The following CNTN4 variants were observed in gnomAD, a reference collection of about 807,000 sequenced individuals.
The protein encoded by CNTN4 is contactin-4.
Under a neutral mutation model 122.5 loss-of-function variants are expected in CNTN4, and 77 were observed. The observed-to-expected ratio is 0.63, with a 90% CI of 0.52 to 0.76. The LOEUF is 0.76. CNTN4 is among the 30% of genes least tolerant of loss of function. CNTN4 has a pLI of 0.00. For synonymous variants in CNTN4, 512 were observed against 447.0 expected (o/e 1.15, Z -1.83); for missense variants, 1,256 against 1,259.1 (o/e 1.00, Z 0.04).
intron 6 of CNTN4, among the ~76,000 whole-genome samples, chr3:2,768,595 A>G (rs1414606104): frequency 1.3e-5 from 2 of 152,106 alleles, no homozygotes; most frequent in Non-Finnish European, 2.9e-5. Context: ...TCCCCTATCT[A>G]CTTTATAATG....
chr3:2,920,053 G>A (rs755097228), intron 12 of CNTN4, among the ~76,000 whole-genome samples: 8 of 151,890 alleles, frequency 5.3e-5, no homozygotes, highest in Non-Finnish European at 8.8e-5. Context: ...AATGGCTCCC[G>A]TGCTCAAAGT....
chr3:2,663,471 G>A (rs891336756), intron 4 of CNTN4, among the ~76,000 whole-genome samples: 2 of 151,060 alleles, frequency 1.3e-5, no homozygotes, highest in African/African-American at 4.9e-5. Context: ...AGAGACATTG[G>A]GAAAGGAATT....
At chr3:2,663,136 C>T (rs1559360451) in intron 4 of CNTN4, among the ~76,000 whole-genome samples, 1 of 151,936 alleles carries the variant, frequency 6.6e-6, no homozygotes, top group Non-Finnish European at 1.5e-5. Flanking sequence ...AATAAAGACA[C>T]AAGATCATGT....
At chr3:2,844,550 C>T (rs1192366788) in intron 7 of CNTN4, among the ~76,000 whole-genome samples, 1 of 152,022 alleles carries the variant, frequency 6.6e-6, no homozygotes, top group Non-Finnish European at 1.5e-5. Flanking sequence ...GGGCAATTAC[C>T]CATATTATGT....
intron 14 of CNTN4, among the ~76,000 whole-genome samples, chr3:3,004,143 A>G (rs967550269): frequency 6.8e-6 from 1 of 146,924 alleles, no homozygotes; most frequent in African/African-American, 2.6e-5. Flanking sequence ...GTAATGATCT[A>G]TTTTGCACAC....
In CNTN4 at chr3:3,039,018, GA is replaced by G; in HGVS notation, c.2163+17del. On this transcript the variant is annotated intron_variant, in intron 19 of 24. Transcript: ENST00000418658. ...TAACCTGGGAGGTAAATGAATCACA[GA>G]ATAAAAGGAACGTACACGCATCGAA... 1.2e-6 allele frequency: 2 copies of G among 1,602,476 alleles called. No individual in the cohort carries two copies. The highest frequency in any genetic ancestry group is 2.2e-5 in the South Asian group (2 of 90,820).
intron 3 of CNTN4, among the ~76,000 whole-genome samples, chr3:2,441,209 G>A (rs1448117236): frequency 6.6e-6 from 1 of 152,086 alleles, no homozygotes; most frequent in African/African-American, 2.4e-5. Flanking sequence ...CAAAATAAAA[G>A]AAGTGAAAAC....
intron 13 of CNTN4, among the ~76,000 whole-genome samples, chr3:2,964,995 C>T (rs1692156646): frequency 6.6e-6 from 1 of 152,126 alleles, no homozygotes; most frequent in Non-Finnish European, 1.5e-5. Context: ...AAGATCTTAC[C>T]AGGTTTTCTG....
Position 2,432,814 on chromosome 3 carries a change from C to CTTTTT in CNTN4, c.-89+93591_-89+93595dup, listed in dbSNP as rs5846183. Among the ~76,000 whole-genome samples, 76 of 141,632 alleles carry CTTTTT rather than the reference C, an allele frequency of 5.4e-4. 2 individuals are homozygous for CTTTTT. In the East Asian group the frequency reaches 0.015, roughly 28 times the overall value. 92.9% of individuals were successfully genotyped at this position (141,632 alleles called of 152,430 possible). On this transcript the variant is annotated intron_variant, in intron 3 of 24. Coordinates refer to ENST00000418658, the MANE Select transcript of CNTN4 (RefSeq NM_175607.3). ...GCAGATATGTCTGGCACACTAACTG[C>CTTTTT]TTTTTTTTTTTTTTGATACGGTCTC...
intron 6 of CNTN4, among the ~76,000 whole-genome samples, chr3:2,781,014 A>C (rs546108167): frequency 1.3e-5 from 2 of 152,304 alleles, no homozygotes; most frequent in African/African-American, 4.8e-5. Flanking sequence ...AGGCAAATCA[A>C]CTATGGTCCT....
intron 13 of CNTN4, among the ~76,000 whole-genome samples, chr3:2,948,666 A>C (rs2094704700): frequency 6.6e-6 from 1 of 152,298 alleles, no homozygotes; most frequent in South Asian, 2.1e-4. Context: ...ATTTGGTGGC[A>C]AAACCAAACT....
At chr3:2,467,948 C>T (rs555748120) in intron 3 of CNTN4, among the ~76,000 whole-genome samples, 7 of 152,108 alleles carry the variant, frequency 4.6e-5, no homozygotes, top group South Asian at 2.1e-4. Context: ...ATTTTATAGC[C>T]GACAAACCTG....
At chr3:2,326,261 C>T (rs2043451797) in intron 2 of CNTN4, among the ~76,000 whole-genome samples, 1 of 152,114 alleles carries the variant, frequency 6.6e-6, no homozygotes, top group Non-Finnish European at 1.5e-5. Context: ...GGCTTTTTTC[C>T]TGCATTCAGA....
At chr3:2,241,415 GC>G (rs1330205324) in intron 2 of CNTN4, among the ~76,000 whole-genome samples, 5 of 152,072 alleles carry the variant, frequency 3.3e-5, no homozygotes, top group Non-Finnish European at 7.4e-5. Flanking sequence ...TTATCCTCCT[GC>G]TACTTATTAT....
chr3:2,491,104 C>T (rs73000010), intron 3 of CNTN4, among the ~76,000 whole-genome samples: 14,914 of 152,132 alleles, frequency 0.098, 944 homozygotes, highest in Middle Eastern at 0.15. Context: ...ATCTGGAAAA[C>T]CAATAGAACA....
At chr3:2,670,925 C>A (rs1017826948) in intron 4 of CNTN4, among the ~76,000 whole-genome samples, 1 of 152,184 alleles carries the variant, frequency 6.6e-6, no homozygotes, top group Non-Finnish European at 1.5e-5. Flanking sequence ...ATTGGCCCCC[C>A]ACTCTCTTCT....
At chr3:2,292,934 A>T (rs1437815174) in intron 2 of CNTN4, among the ~76,000 whole-genome samples, 1 of 152,260 alleles carries the variant, frequency 6.6e-6, no homozygotes, top group Non-Finnish European at 1.5e-5. Context: ...GCTGAATGAT[A>T]GGTTAAGTAT....
At chr3:2,606,330 G>C (rs932711475) in intron 4 of CNTN4, among the ~76,000 whole-genome samples, 3 of 152,098 alleles carry the variant, frequency 2.0e-5, no homozygotes, top group Non-Finnish European at 4.4e-5. Context: ...ACTGGGGCCT[G>C]TGGTAGGGCA....
At position 2,709,924 on chromosome 3, in the gene CNTN4, T is replaced by C. The variant is rs1026467042; in HGVS notation, c.56-26291T>C. Among the ~76,000 whole-genome samples the C allele has an allele frequency of 6.7e-6, 1 of 150,042 alleles. No homozygotes were observed. Among genetic ancestry groups the C allele is most frequent in the Non-Finnish European group, 1.5e-5 (1 of 66,918 alleles). ...CAAACATATAAATACAAAAAAAAAA[T>C]AAGAATAAACTCCAAAGAGCATGTT... is the stretch of plus-strand genomic sequence containing the variant. On this transcript the variant is annotated intron_variant, in intron 4 of 24. Coordinates refer to ENST00000418658, the MANE Select transcript of CNTN4 (RefSeq NM_175607.3). This position sits in a 1 kb window ranked among gnomAD's most constrained non-coding sequence, Gnocchi z 5.0.
Sources: allele counts gnomAD v4.1 joint callset (sites outside exome capture counted in the v4.1 genomes callset), GRCh38; gene constraint gnomAD v4.1.1; non-coding constraint Gnocchi (gnomAD v3.1); transcripts MANE v1.5; gene names NCBI Gene and HGNC (gene_info 2026-07-23, HGNC 2026-07-21).